NIBAN2: variants seen among roughly 807,000 people sequenced by gnomAD.
NIBAN2 encodes the protein protein Niban 2.
A neutral mutation model predicts 81.8 loss-of-function variants in NIBAN2; 36 were observed. The ratio of observed to expected loss-of-function variants is 0.44; its 90% CI spans 0.34 to 0.58. The LOEUF is 0.58. Ranked by LOEUF, NIBAN2 falls within the 20% of genes least tolerant of loss-of-function variation. The pLI, the probability that NIBAN2 is intolerant of heterozygous loss-of-function variation, is 0.02. For synonymous variants in NIBAN2, 445 were observed against 441.6 expected (o/e 1.01, Z -0.10); for missense variants, 897 against 1,014.1 (o/e 0.88, Z 1.57).
chr9:127,567,373 G>C (rs971129777), intron 1 of NIBAN2, among the ~76,000 whole-genome samples: 1 of 152,192 alleles, frequency 6.6e-6, no homozygotes, highest in East Asian at 1.9e-4. Context: ...AGGCCTGGTC[G>C]GATAAGGAGG....
At chr9:127,568,716 TC>T in intron 1 of NIBAN2, 103 bp downstream of exon 1, 1 of 1,043,282 alleles carries the variant, frequency 9.6e-7, no homozygotes. Flanking sequence ...CCGGCCTGAC[TC>T]CCCCGAGCCC....
At chr9:127,537,423 G>A (rs1837299471) in intron 1 of NIBAN2, among the ~76,000 whole-genome samples, 1 of 152,216 alleles carries the variant, frequency 6.6e-6, no homozygotes, top group South Asian at 2.1e-4. Context: ...TTTATAGTTT[G>A]AAATAATCCA....
intron 2 of NIBAN2, among the ~76,000 whole-genome samples, chr9:127,529,499 G>A (rs1837139523): frequency 6.6e-6 from 1 of 152,192 alleles, no homozygotes; most frequent in Admixed American, 6.5e-5. Context: ...AATTAGCGGG[G>A]TGTGGTGGTG....
At position 127,552,258 on chromosome 9, in the gene NIBAN2, C is replaced by T. The variant is rs145154670; in HGVS notation, c.55+16562G>A. Among the ~76,000 whole-genome samples, 6 of 152,300 alleles carry T rather than the reference C, an allele frequency of 3.9e-5. No individual in the cohort carries two copies. In the East Asian group the frequency reaches 1.2e-3, roughly 29 times the overall value. ...ATCCCATTAATTGATTTAAGCTTTC[C>T]AACACAGCACTGTTTACAACAACAA... On this transcript the variant is annotated intron_variant, in intron 1 of 13. Transcript: ENST00000373312.
chr9:127,558,303 A>G (rs1163934636), intron 1 of NIBAN2, among the ~76,000 whole-genome samples: 2 of 151,818 alleles, frequency 1.3e-5, no homozygotes, highest in Admixed American at 6.6e-5. Context: ...TTCCCTCACC[A>G]TCCCTTGCCG....
At chr9:127,510,995 C>G (rs1314861702) in intron 8 of NIBAN2, among the ~76,000 whole-genome samples, 2 of 152,024 alleles carry the variant, frequency 1.3e-5, no homozygotes, top group Non-Finnish European at 2.9e-5. Context: ...GCACAGTGCC[C>G]AAAAAGTAAT....
intron 5 of NIBAN2, 73 bp from the exon 6 acceptor site, chr9:127,518,014 T>C (rs1836866900): frequency 4.3e-6 from 4 of 919,542 alleles, no homozygotes; most frequent in Non-Finnish European, 6.6e-6. Flanking sequence ...AACTGAGAAC[T>C]GACCAAAACC....
intron 1 of NIBAN2, among the ~76,000 whole-genome samples, chr9:127,546,211 G>T (rs1308353649): frequency 1.3e-5 from 2 of 152,184 alleles, no homozygotes; most frequent in African/African-American, 4.8e-5. Flanking sequence ...AATGTCTCTG[G>T]CCTTCATTCC....
At chr9:127,548,653 C>T (rs974922411) in intron 1 of NIBAN2, among the ~76,000 whole-genome samples, 11 of 152,134 alleles carry the variant, frequency 7.2e-5, no homozygotes, top group African/African-American at 2.2e-4. Flanking sequence ...ACATCCAGAT[C>T]GATGCTAATG....
In NIBAN2 at chr9:127,508,264, A is replaced by G; in HGVS notation, c.1435-64T>C. 7.0e-7 allele frequency: 1 copy of G among 1,438,792 alleles called. No individual in the cohort carries two copies. The highest frequency in any genetic ancestry group is 9.7e-7 in the Non-Finnish European group (1 of 1,029,110). 89.1% of individuals were successfully genotyped at this position (1,438,792 alleles called of 1,614,324 possible). ...GGGCTCCATTGGCCCTGAGGGTAGG[A>G]CGAGGCCAGTGGTCTGACCCAAGCC... On this transcript the variant is annotated intron_variant, in intron 11 of 13. Transcript: ENST00000373312. This position sits in a 1 kb window ranked among gnomAD's most constrained non-coding sequence, Gnocchi z 6.4.
At chr9:127,552,172 C>T (rs1295028546) in intron 1 of NIBAN2, among the ~76,000 whole-genome samples, 1 of 152,238 alleles carries the variant, frequency 6.6e-6, no homozygotes, top group Admixed American at 6.5e-5. Context: ...ACCCCCAGTC[C>T]CAGCACACAG....
In NIBAN2 at chr9:127,507,408, T is replaced by C. The variant is rs1199260355; in HGVS notation, c.1678A>G (p.Arg560Gly). 2.0e-6 allele frequency: 3 copies of C among 1,515,138 alleles called. No homozygotes were observed. In the African/African-American group the frequency reaches 4.2e-5, roughly 21 times the overall value. The allele number at this position is 1,515,138 out of a possible 1,614,324, so 93.9% of individuals were successfully genotyped here. Residue 560 changes from arginine (R) to glycine (G), a missense_variant, in exon 14 of 14, where the codon AGG becomes GGG. This residue lies in a region of NIBAN2 where 619 missense variants were observed against 691.0 expected (regional missense o/e 0.90). Coordinates refer to ENST00000373312, the MANE Select transcript of NIBAN2 (RefSeq NM_022833.4). This position sits in a 1 kb window ranked among gnomAD's most constrained non-coding sequence, Gnocchi z 6.8. ...LQAVKEAAVQ[R>G]KHNLYRDSMV... ...CTGTCCCGGTAGAGGTTGTGCTTCC[T>C]CTGCACCGCGGCCTCCTTCACAGCT...
At chr9:127,564,354 T>C (rs1374873056) in intron 1 of NIBAN2, among the ~76,000 whole-genome samples, 2 of 150,250 alleles carry the variant, frequency 1.3e-5, no homozygotes, top group Non-Finnish European at 2.9e-5. Flanking sequence ...TACTGGAATA[T>C]TACAGAGGGT....
At chr9:127,548,100 T>C (rs1403558941) in intron 1 of NIBAN2, among the ~76,000 whole-genome samples, 1 of 152,146 alleles carries the variant, frequency 6.6e-6, no homozygotes, top group African/African-American at 2.4e-5. Context: ...CGCCACGCAA[T>C]GGGAACCAGC....
intron 1 of NIBAN2, among the ~76,000 whole-genome samples, chr9:127,544,081 C>T (rs572849998): frequency 6.6e-6 from 1 of 152,328 alleles, no homozygotes; most frequent in Non-Finnish European, 1.5e-5. Context: ...CTGTTCGCTG[C>T]TCAAACTGTG....
intron 1 of NIBAN2, among the ~76,000 whole-genome samples, chr9:127,564,971 G>A (rs1280662625): frequency 6.6e-6 from 1 of 152,146 alleles, no homozygotes; most frequent in African/African-American, 2.4e-5. Flanking sequence ...ACTTCTTCTG[G>A]GAAGTGGGAT....
chr9:127,516,868 C>A lies in NIBAN2; in HGVS notation c.962G>T (p.Ser321Ile). Reference sequence around the variant, plus strand: ...GGGTGGCTGCCTACCTCGGATCTTGCTGGCAAGGTGCTCCTTGGAGGTGAT... The same window carrying A: ...GGGTGGCTGCCTACCTCGGATCTTGATGGCAAGGTGCTCCTTGGAGGTGAT... Reference protein sequence around the residue: ...QIITSKEHLASKIRAFILPKA... With the variant: ...QIITSKEHLAIKIRAFILPKA... Residue 321 changes from serine to isoleucine, a missense_variant, in exon 8 of 14, where the codon AGC becomes ATC. Ser to Ile is a moderately radical substitution (Grantham distance 142). Coordinates refer to ENST00000373312, the MANE Select transcript of NIBAN2 (RefSeq NM_022833.4). 3.7e-6 allele frequency: 6 copies of A among 1,612,694 alleles called. No individual in the cohort carries two copies. Among genetic ancestry groups the A allele is most frequent in the Non-Finnish European group, 5.1e-6 (6 of 1,178,776 alleles).
At chr9:127,540,918 C>T (rs1248049649) in intron 1 of NIBAN2, among the ~76,000 whole-genome samples, 6 of 152,218 alleles carry the variant, frequency 3.9e-5, no homozygotes, top group Non-Finnish European at 7.3e-5. Flanking sequence ...GAGAGGTTTG[C>T]CGACTGAAAC....
chr9:127,560,476 G>T (rs190647187), intron 1 of NIBAN2, among the ~76,000 whole-genome samples: 2 of 152,154 alleles, frequency 1.3e-5, no homozygotes, highest in East Asian at 3.9e-4. Context: ...GGGACCCTAA[G>T]GACAAAGGCC....
Sources: allele counts gnomAD v4.1 joint callset (sites outside exome capture counted in the v4.1 genomes callset), GRCh38; gene constraint gnomAD v4.1.1; regional missense constraint gnomAD v4.1.1; non-coding constraint Gnocchi (gnomAD v3.1); transcripts MANE v1.5; gene names NCBI Gene and HGNC (gene_info 2026-07-23, HGNC 2026-07-21).